The following ITGAX variants were observed in gnomAD, a reference collection of about 807,000 sequenced individuals.
ITGAX encodes integrin alpha-X.
Under a neutral mutation model 140.2 loss-of-function variants are expected in ITGAX, and 99 were observed. That is an observed-to-expected ratio of 0.71 (90% CI 0.60 to 0.83). The LOEUF (loss-of-function observed/expected upper bound fraction) is 0.83, where lower values mean the gene tolerates loss of function less well. Ranked by LOEUF, ITGAX falls within the 40% of genes least tolerant of loss-of-function variation. ITGAX has a pLI of 0.00. For missense variants in ITGAX, 1,444 were observed against 1,482.0 expected, an observed-to-expected ratio of 0.97 and a Z score of 0.42; for synonymous variants, 631 against 600.4, an observed-to-expected ratio of 1.05 and a Z score of -0.75.
chr16:31,357,151 C>T (rs377514607), intron 4 of ITGAX, 50 bp downstream of exon 4: 58 of 1,573,156 alleles, frequency 3.7e-5, no homozygotes, highest in Middle Eastern at 1.8e-4. Flanking sequence ...AGGGAGGAGC[C>T]GGGGCCGCGG....
At chr16:31,380,747 G>T (rs1326431489) in intron 28 of ITGAX, 123 bp downstream of exon 28, 13 of 1,346,318 alleles carry the variant, frequency 9.7e-6, no homozygotes, top group Non-Finnish European at 1.4e-5. Flanking sequence ...GGGCAGGATA[G>T]CTGTCCCTAA....
chr16:31,356,997 CCGAGAGTGA>C, intron 3 of ITGAX, 25 bp from the exon 4 acceptor site: 1 of 1,569,694 alleles, frequency 6.4e-7, no homozygotes, highest in Non-Finnish European at 8.6e-7. Flanking sequence ...CTCTGTACCC[CCGAGAGTGA>C]CCATGCACAT....
chr16:31,372,435 G>C lies in ITGAX; in HGVS notation c.2218G>C (p.Gly740Arg), dbSNP rs2080977351. ...ITLRLNFTLV[G>R]KPLLAFRNLR... Reference sequence around the variant, plus strand: ...CTTGCGTCTGAACTTCACGCTGGTGGGCAAGCCCCTCCTTGCCTTCAGAAA... The same window carrying C: ...CTTGCGTCTGAACTTCACGCTGGTGCGCAAGCCCCTCCTTGCCTTCAGAAA... Residue 740 changes from glycine (G) to arginine (R), a missense_variant, in exon 18 of 30, where the codon GGC becomes CGC. By Grantham distance (125) the Gly-to-Arg change is moderately radical. Transcript: ENST00000268296. 1 of 1,609,700 alleles carries C rather than the reference G, an allele frequency of 6.2e-7. No homozygotes were observed. Among genetic ancestry groups the C allele is most frequent in the Non-Finnish European group, 8.5e-7 (1 of 1,178,912 alleles).
intron 25 of ITGAX, 35 bp downstream of exon 25, chr16:31,379,899 G>A (rs1567308624): frequency 6.2e-7 from 1 of 1,609,788 alleles, no homozygotes; most frequent in South Asian, 1.1e-5. Context: ...CTCCACGAAT[G>A]CCCTTTCTAC....
chr16:31,377,318 A>AT (rs2081029580), intron 23 of ITGAX, 53 bp downstream of exon 23: 264 of 1,320,824 alleles, frequency 2.0e-4, no homozygotes, highest in Non-Finnish European at 2.5e-4. Flanking sequence ...GACCTCAAAA[A>AT]GAAAAAAAAA....
chr16:31,360,816 T>A, intron 8 of ITGAX: 1 of 528,256 alleles, frequency 1.9e-6, no homozygotes, highest in East Asian at 3.4e-5. Context: ...GCCAACAACA[T>A]CCCTTTCAAG....
In ITGAX at chr16:31,371,117, C is replaced by T. The variant is rs1448902177; in HGVS notation, c.1744C>T (p.Gln582Ter). 6.2e-7 allele frequency: 1 copy of T among 1,614,132 alleles called. No individual in the cohort carries two copies. The change falls in exon 15 of 30, where the codon CAG (glutamine) becomes TAG (stop). Residue 582 changes from glutamine (Q) to a stop codon, truncating the protein, a stop_gained. Transcript: ENST00000268296. LOFTEE classifies it high-confidence loss of function. ...IAGSQLSSRL[Q>*]YFGQALSGGQ... ...GGGCTCCCAGCTCTCCTCCAGGCTG[C>T]AGTATTTTGGGCAGGCACTGAGCGG...
intron 20 of ITGAX, among the ~76,000 whole-genome samples, chr16:31,375,776 G>A (rs1397580857): frequency 6.6e-6 from 1 of 152,210 alleles, no homozygotes; most frequent in East Asian, 1.9e-4. Flanking sequence ...ACGTATAAAA[G>A]AACACAGCAG....
At chr16:31,381,339 GCT>G (rs2081067277) in intron 29 of ITGAX, among the ~76,000 whole-genome samples, 1 of 152,158 alleles carries the variant, frequency 6.6e-6, no homozygotes. Context: ...GCCAGTGTCT[GCT>G]CCACTCTGGG....
At chr16:31,361,413 G>T in intron 9 of ITGAX, 200 bp downstream of exon 9, 1 of 705,152 alleles carries the variant, frequency 1.4e-6, no homozygotes. Flanking sequence ...CCCCAGGGAT[G>T]GCCCTGCTCC....
chr16:31,355,878 C>T lies in ITGAX; in HGVS notation c.38-15C>T. 1 of 1,599,456 alleles carries T rather than the reference C, an allele frequency of 6.3e-7. No homozygotes were observed. Among genetic ancestry groups the T allele is most frequent in the Non-Finnish European group, 8.6e-7 (1 of 1,167,652 alleles). The stretch of plus-strand genomic sequence containing the variant: ...AAGACCCTTCTCCAAAGCTCTCTTC[C>T]CACCTCTTTCCCAGCCTTAGCAACT... On this transcript the variant is annotated splice_polypyrimidine_tract_variant and intron_variant, in intron 1 of 29. Coordinates refer to ENST00000268296, the MANE Select transcript of ITGAX (RefSeq NM_000887.5).
rs768415660 is a variant in ITGAX, at chr16:31,361,132, G to A, written c.931G>A (p.Glu311Lys). The change falls in exon 9 of 30, where the codon GAA (glutamate) becomes AAA (lysine). Residue 311 changes from glutamate to lysine, a missense_variant. By Grantham distance (56) the Glu-to-Lys change is moderately conservative. Coordinates refer to ENST00000268296, the MANE Select transcript of ITGAX (RefSeq NM_000887.5). The part of the protein sequence containing the change: ...LNDIASKPSQ[E>K]HIFKVEDFDA... ...TGACATTGCATCGAAGCCCTCCCAG[G>A]AACACATATTTAAAGTGGAGGACTT... 6.2e-7 allele frequency: 1 copy of A among 1,613,776 alleles called. No individual in the cohort carries two copies. Among genetic ancestry groups the A allele is most frequent in the Non-Finnish European group, 8.5e-7 (1 of 1,179,894 alleles).
chr16:31,359,958 C>G lies in ITGAX; in HGVS notation c.600C>G (p.His200Gln), dbSNP rs749773577. 4 of 1,614,088 alleles carry G rather than the reference C, an allele frequency of 2.5e-6. No individual in the cohort carries two copies. In the South Asian group the frequency reaches 4.4e-5, roughly 18 times the overall value. Residue 200 changes from histidine (H) to glutamine (Q), a missense_variant, in exon 7 of 30, where the codon CAC becomes CAG. His to Gln is a conservative substitution (Grantham distance 24). Coordinates refer to ENST00000268296, the MANE Select transcript of ITGAX (RefSeq NM_000887.5). ...AGTTCTCCAACAAATTCCAAACACA[C>G]TTCACTTTCGAGGAATTCAGGCGCA... is the stretch of plus-strand genomic sequence containing the variant. ...LMQFSNKFQTHFTFEEFRRSS... is the reference protein window; with the variant it reads ...LMQFSNKFQTQFTFEEFRRSS...
intron 10 of ITGAX, 38 bp downstream of exon 10, chr16:31,361,947 G>A: frequency 6.2e-7 from 1 of 1,613,412 alleles, no homozygotes; most frequent in Non-Finnish European, 8.5e-7. Flanking sequence ...GTGCCGTGAG[G>A]GGAGGGGGAG....
chr16:31,369,297 C>A (rs934273092), intron 14 of ITGAX, among the ~76,000 whole-genome samples: 1 of 145,178 alleles, frequency 6.9e-6, no homozygotes, highest in African/African-American at 2.6e-5. Context: ...TGACCCCCCC[C>A]CCCACCTCCC....
chr16:31,371,140 C>T lies in ITGAX; in HGVS notation c.1767C>T (p.Ser589=), dbSNP rs373984024. ...TGCAGTATTTTGGGCAGGCACTGAG[C>T]GGGGGTCAAGACCTCACCCAGGATG... ...SRLQYFGQAL[S]GGQDLTQDGL... The change falls in exon 15 of 30, where the codon AGC becomes AGT. Residue 589 remains serine, a synonymous_variant. Transcript: ENST00000268296. 5.0e-5 allele frequency: 81 copies of T among 1,613,866 alleles called. No individual in the cohort carries two copies. Among genetic ancestry groups the T allele is most frequent in the East Asian group, 1.1e-4 (5 of 44,886 alleles).
rs1286351405 is a variant in ITGAX at position 31,362,030 on chromosome 16, T to C, written c.1087-45T>C. On this transcript the variant is annotated intron_variant, in intron 10 of 29. Coordinates refer to ENST00000268296, the MANE Select transcript of ITGAX (RefSeq NM_000887.5). ...AGGCATATCTCTGGTACATGCTGTC[T>C]TCCTGCTCCGGCCTCTGCTCAGCCC... 7 of 1,613,734 alleles carry C rather than the reference T, an allele frequency of 4.3e-6. No individual in the cohort carries two copies. In the Admixed American group the frequency reaches 1.0e-4, roughly 23 times the overall value.
rs776088219 is a variant in ITGAX at position 31,377,164 on chromosome 16, T to C, written c.2706-18T>C. 6.2e-7 allele frequency: 1 copy of C among 1,613,100 alleles called. No homozygotes were observed. The highest frequency in any genetic ancestry group is 1.3e-5 in the African/African-American group (1 of 74,874). On this transcript the variant is annotated intron_variant, in intron 22 of 29. Coordinates refer to ENST00000268296, the MANE Select transcript of ITGAX (RefSeq NM_000887.5). ...TCCTCTGGGGCCTCTGGCAACTGAG[T>C]CTCTCCTCTTTCTCCAGTGAGAACA...
At position 31,363,328 on chromosome 16, in the gene ITGAX, T is replaced by A. The variant is rs1385967645; in HGVS notation, c.1664T>A (p.Leu555Gln). The change falls in exon 14 of 30, where the codon CTG (leucine) becomes CAG (glutamine). Residue 555 changes from leucine (L) to glutamine (Q), a missense_variant. Coordinates refer to ENST00000268296, the MANE Select transcript of ITGAX (RefSeq NM_000887.5). ...GEEENRGAVYLFHGVLGPSIS... is the reference protein window; with the variant it reads ...GEEENRGAVYQFHGVLGPSIS... ...GAGGAGAACCGGGGTGCTGTCTACCTGTTTCACGGAGTCTTGGGACCCAGC... is the reference window on the plus strand; with the variant it reads ...GAGGAGAACCGGGGTGCTGTCTACCAGTTTCACGGAGTCTTGGGACCCAGC... The A allele has an allele frequency of 6.2e-7, 1 of 1,613,872 alleles. No individual in the cohort carries two copies. The highest frequency in any genetic ancestry group is 8.5e-7 in the Non-Finnish European group (1 of 1,179,950).
Sources: gnomAD v4.1 joint callset for allele counts (sites outside exome capture counted in the v4.1 genomes callset) on GRCh38, gnomAD v4.1.1 for gene constraint, MANE v1.5 for transcripts, NCBI Gene and HGNC (gene_info 2026-07-23, HGNC 2026-07-21) for gene names.